WDR75: variants seen among roughly 807,000 people sequenced by gnomAD.
WDR75 encodes WD repeat domain 75, also known as WD repeat-containing protein 75.
In WDR75, 52 loss-of-function variants were observed where a neutral mutation model predicts 106.1. That is an observed-to-expected ratio of 0.49 (90% CI 0.39 to 0.62). The LOEUF (loss-of-function observed/expected upper bound fraction) is 0.62. Among genes scored for constraint, WDR75 ranks in the 20% least tolerant of loss-of-function variants. The pLI is 0.00. For missense variants in WDR75, 905 were observed against 970.3 expected, an observed-to-expected ratio of 0.93 and a Z score of 0.89; for synonymous variants, 333 against 335.5, an observed-to-expected ratio of 0.99 and a Z score of 0.08.
chr2:189,475,444 A>C lies in WDR75; in HGVS notation c.*27A>C. On this transcript the variant is annotated 3_prime_UTR_variant, in exon 21 of 21. Coordinates refer to ENST00000314761, the MANE Select transcript of WDR75 (RefSeq NM_032168.3). ...CCTTGGAGATGGGGAGGATCCTTGG[A>C]CTTTGTGTTTTTGATTGTATGTTGA... 7.0e-7 allele frequency: 1 copy of C among 1,428,732 alleles called. No individual in the cohort carries two copies. The highest frequency in any genetic ancestry group is 1.9e-4 in the Middle Eastern group (1 of 5,204). 88.5% of individuals were successfully genotyped at this position (1,428,732 alleles called of 1,614,324 possible). A position where few individuals can be genotyped will look rare whatever the true frequency, so the allele number is the denominator to read the frequency against.
intron 6 of WDR75, among the ~76,000 whole-genome samples, chr2:189,458,179 T>C (rs913927492): frequency 9.9e-5 from 15 of 152,164 alleles, no homozygotes; most frequent in African/African-American, 3.4e-4. Flanking sequence ...CGCCTCAGCC[T>C]CCGAAAGTGC....
chr2:189,456,900 T>C (rs1469059268), intron 5 of WDR75, among the ~76,000 whole-genome samples: 2 of 152,186 alleles, frequency 1.3e-5, no homozygotes, highest in African/African-American at 2.4e-5. Context: ...TATACTCTTA[T>C]CAGCTGAACA....
intron 1 of WDR75, among the ~76,000 whole-genome samples, chr2:189,447,125 G>A (rs556251264): frequency 2.0e-5 from 3 of 152,264 alleles, no homozygotes; most frequent in East Asian, 3.9e-4. Context: ...CTTGACTGTA[G>A]GTAATTAAAA....
chr2:189,456,981 C>T (rs927113482), intron 5 of WDR75, among the ~76,000 whole-genome samples: 1 of 152,124 alleles, frequency 6.6e-6, no homozygotes, highest in African/African-American at 2.4e-5. Context: ...GTGGCTCACT[C>T]CTGTAATCCC....
At chr2:189,475,024 A>G (rs1346714212) in intron 20 of WDR75, among the ~76,000 whole-genome samples, 189 bp from the exon 21 acceptor site, 1 of 152,208 alleles carries the variant, frequency 6.6e-6, no homozygotes, top group Non-Finnish European at 1.5e-5. Context: ...GGCTTGGTAC[A>G]TAATTTAAAA....
rs1687005210 is a variant in WDR75 at position 189,466,573 on chromosome 2, G to A, written c.1438G>A (p.Asp480Asn). ...FKVWILTDDS[D>N]IYKKAVGWTC... ...AGTATGGATATTAACAGATGACTCT[G>A]ACATATACAGTAAGTTATTAAATAT... The change falls in exon 13 of 21, where the codon GAC becomes AAC. Residue 480 changes from aspartate (D) to asparagine (N), a missense_variant. Coordinates refer to ENST00000314761, the MANE Select transcript of WDR75 (RefSeq NM_032168.3). 6.2e-7 allele frequency: 1 copy of A among 1,604,626 alleles called. No homozygotes were observed. The highest frequency in any genetic ancestry group is 1.3e-5 in the African/African-American group (1 of 74,230).
At chr2:189,469,483 TAA>T in intron 16 of WDR75, 44 bp downstream of exon 16, 1 of 1,482,320 alleles carries the variant, frequency 6.7e-7, no homozygotes, top group African/African-American at 1.4e-5. Flanking sequence ...ATCTATGACC[TAA>T]GTTTTCTTCT....
At chr2:189,469,071 A>T (rs1407551354) in intron 15 of WDR75, among the ~76,000 whole-genome samples, 5 of 152,184 alleles carry the variant, frequency 3.3e-5, no homozygotes, top group Admixed American at 3.3e-4. Context: ...TCTGGTTAAC[A>T]TACTGTACAC....
rs116237880 is a variant in WDR75 at position 189,448,710 on chromosome 2, A to G, written c.216+202A>G. On this transcript the variant is annotated intron_variant, in intron 2 of 20. Coordinates refer to ENST00000314761, the MANE Select transcript of WDR75 (RefSeq NM_032168.3). ...TTTGTTCCACAGAATGCTAAGAGGT[A>G]TTACCTGAGAAGGATATTCTTGGCT... 4,276 of 696,268 alleles carry G rather than the reference A, an allele frequency of 6.1e-3. 132 individuals are homozygous for G. In the African/African-American group the frequency reaches 0.068, roughly 11 times the overall value. 43.1% of individuals were successfully genotyped at this position (696,268 alleles called of 1,614,324 possible).
At chr2:189,454,276 A>G in intron 4 of WDR75, among the ~76,000 whole-genome samples, 1 of 152,180 alleles carries the variant, frequency 6.6e-6, no homozygotes, top group Middle Eastern at 3.2e-3. Context: ...ACTCTGAGTA[A>G]AAAGAATACC....
Sources: gnomAD v4.1 joint callset for allele counts (sites outside exome capture counted in the v4.1 genomes callset) on GRCh38, gnomAD v4.1.1 for gene constraint, MANE v1.5 for transcripts, NCBI Gene and HGNC (gene_info 2026-07-23, HGNC 2026-07-21) for gene names.